SLC25A37: variants seen among roughly 807,000 people sequenced by gnomAD.
SLC25A37 encodes the protein solute carrier family 25 member 37.
Under a neutral mutation model 31.0 loss-of-function variants are expected in SLC25A37, and 17 were observed. The observed-to-expected ratio is 0.55, with a 90% CI of 0.38 to 0.82. The LOEUF is 0.82. Among genes scored for constraint, SLC25A37 ranks in the 40% least tolerant of loss-of-function variants. SLC25A37 has a pLI of 0.00. For missense variants in SLC25A37, 404 were observed against 465.8 expected (o/e 0.87, Z 1.22); for synonymous variants, 222 against 193.0 (o/e 1.15, Z -1.24).
At chr8:23,555,242 A>G (rs531301739) in intron 1 of SLC25A37, among the ~76,000 whole-genome samples, 1 of 152,228 alleles carries the variant, frequency 6.6e-6, no homozygotes, top group African/African-American at 2.4e-5. Context: ...TTTCTTTCCC[A>G]GTCAAAGTAA....
chr8:23,537,222 A>G (rs1368360980), intron 1 of SLC25A37, among the ~76,000 whole-genome samples: 1 of 145,670 alleles, frequency 6.9e-6, no homozygotes, highest in East Asian at 2.0e-4. Flanking sequence ...AAATGAGATT[A>G]CTCTCCCCTG....
intron 1 of SLC25A37, among the ~76,000 whole-genome samples, chr8:23,532,723 C>T (rs920521067): frequency 5.3e-5 from 8 of 152,196 alleles, no homozygotes; most frequent in African/African-American, 1.4e-4. Flanking sequence ...GGAGCGTTCC[C>T]TCTAGGAGCC....
chr8:23,569,685 T>C (rs1802769633), intron 3 of SLC25A37, among the ~76,000 whole-genome samples: 2 of 152,224 alleles, frequency 1.3e-5, no homozygotes. Flanking sequence ...TTTGTTCTTT[T>C]AAATTTCGGG....
chr8:23,568,021 G>A, intron 2 of SLC25A37: 1 of 442,548 alleles, frequency 2.3e-6, no homozygotes. Context: ...CATGGTGTGT[G>A]GTTTCTGGGA....
chr8:23,573,588 C>T lies in SLC25A37; in HGVS notation c.*1733C>T, dbSNP rs2117476499. The T allele has an allele frequency of 3.0e-6, 1 of 329,250 alleles. No individual in the cohort carries two copies. Among genetic ancestry groups the T allele is most frequent in the South Asian group, 2.4e-5 (1 of 42,170 alleles). The allele number at this position is 329,250 out of a possible 1,614,324, so 20.4% of individuals were successfully genotyped here. On this transcript the variant is annotated 3_prime_UTR_variant, in exon 4 of 4. Coordinates refer to ENST00000519973, the MANE Select transcript of SLC25A37 (RefSeq NM_016612.4). Reference sequence around the variant, plus strand: ...AGTGGTGCTACTGCCTAGGAAGTAACACGTGGAGAATTTCCATCTTGGGAC... The same window carrying T: ...AGTGGTGCTACTGCCTAGGAAGTAATACGTGGAGAATTTCCATCTTGGGAC...
intron 1 of SLC25A37, among the ~76,000 whole-genome samples, chr8:23,551,766 GC>G (rs1448140349): frequency 6.6e-6 from 1 of 152,138 alleles, no homozygotes; most frequent in Non-Finnish European, 1.5e-5. Context: ...TGAGGAGGAA[GC>G]AACAGAGCTA....
intron 1 of SLC25A37, among the ~76,000 whole-genome samples, chr8:23,559,344 T>TGTGTGTGTGC (rs71210626): frequency 0.17 from 25,812 of 151,740 alleles, 2,256 homozygotes; most frequent in South Asian, 0.24. Flanking sequence ...CGGTTGTGTG[T>TGTGTGTGTGC]GTGTGTGTGC....
intron 3 of SLC25A37, among the ~76,000 whole-genome samples, chr8:23,570,921 G>C (rs1802807749): frequency 6.6e-6 from 1 of 152,164 alleles, no homozygotes; most frequent in Non-Finnish European, 1.5e-5. Flanking sequence ...CAGTAGATGT[G>C]TTGGGGAAGG....
chr8:23,532,162 A>G (rs1202411896), intron 1 of SLC25A37, among the ~76,000 whole-genome samples: 1 of 152,164 alleles, frequency 6.6e-6, no homozygotes, highest in Non-Finnish European at 1.5e-5. Flanking sequence ...GACCTTTGGC[A>G]ACTTTCCTGC....
chr8:23,571,911 T>C lies in SLC25A37; in HGVS notation c.*56T>C. On this transcript the variant is annotated 3_prime_UTR_variant, in exon 4 of 4. Coordinates refer to ENST00000519973, the MANE Select transcript of SLC25A37 (RefSeq NM_016612.4). Reference sequence around the variant, plus strand: ...TCATTCTCTGCCTGCATCCAGCCCCTTGCCCTCTCCTCACACGTAGATCAT... The same window carrying C: ...TCATTCTCTGCCTGCATCCAGCCCCCTGCCCTCTCCTCACACGTAGATCAT... 4.5e-6 allele frequency: 7 copies of C among 1,570,946 alleles called. No homozygotes were observed. Among genetic ancestry groups the C allele is most frequent in the Non-Finnish European group, 6.1e-6 (7 of 1,155,414 alleles).
chr8:23,552,487 A>G (rs369171018), intron 1 of SLC25A37, among the ~76,000 whole-genome samples: 53 of 152,264 alleles, frequency 3.5e-4, no homozygotes, highest in African/African-American at 1.2e-3. Context: ...GAAGCTCTCT[A>G]TATAATGGTT....
chr8:23,574,136 C>G lies in SLC25A37; in HGVS notation c.*2281C>G, dbSNP rs1585210994. The G allele has an allele frequency of 3.0e-6, 1 of 332,212 alleles. No individual in the cohort carries two copies. Among genetic ancestry groups the G allele is most frequent in the East Asian group, 7.8e-5 (1 of 12,874 alleles). The allele number at this position is 332,212 out of a possible 1,614,324, so 20.6% of individuals were successfully genotyped here. A position where few individuals can be genotyped will look rare whatever the true frequency, so the allele number is the denominator to read the frequency against. ...TGTTTAGAAAATAAACTTGATTTCT[C>G]TAGGAGCACTCCTTTGGTTAGAGGG... On this transcript the variant is annotated 3_prime_UTR_variant, in exon 4 of 4. Transcript: ENST00000519973.
At chr8:23,546,034 C>T (rs1005540395) in intron 1 of SLC25A37, among the ~76,000 whole-genome samples, 4 of 151,880 alleles carry the variant, frequency 2.6e-5, no homozygotes, top group African/African-American at 9.7e-5. Context: ...ACTTGAGAGG[C>T]TGAGGCGGGA....
At chr8:23,558,262 C>T (rs1802420405) in intron 1 of SLC25A37, among the ~76,000 whole-genome samples, 1 of 152,208 alleles carries the variant, frequency 6.6e-6, no homozygotes, top group African/African-American at 2.4e-5. Context: ...GCTTGGGTGG[C>T]ATGACCTCTG....
chr8:23,531,482 C>T (rs1020739880), intron 1 of SLC25A37, among the ~76,000 whole-genome samples: 2 of 152,162 alleles, frequency 1.3e-5, no homozygotes, highest in Non-Finnish European at 1.5e-5. Flanking sequence ...ACCCATGCCT[C>T]GTTTCTCTGA....
chr8:23,571,302 T>G (rs1349387371), intron 3 of SLC25A37, 33 bp from the exon 4 acceptor site: 3 of 1,501,728 alleles, frequency 2.0e-6, no homozygotes, highest in South Asian at 1.3e-5. Context: ...CCACTGGCTG[T>G]CCGTCTGGCC....
intron 1 of SLC25A37, among the ~76,000 whole-genome samples, chr8:23,538,386 A>AAAAAG (rs1801815594): frequency 1.3e-5 from 2 of 148,590 alleles, no homozygotes; most frequent in Admixed American, 1.3e-4. Flanking sequence ...ATCTCAAAAA[A>AAAAAG]AAAAAAAAAA....
chr8:23,568,246 C>T (rs537177249), intron 2 of SLC25A37, 76 bp from the exon 3 acceptor site: 214 of 1,522,212 alleles, frequency 1.4e-4, no homozygotes, highest in African/African-American at 4.2e-4. Context: ...TCCTGGGTTC[C>T]GTCTGATTTT....
intron 1 of SLC25A37, among the ~76,000 whole-genome samples, chr8:23,537,419 C>G (rs1801793489): frequency 6.6e-6 from 1 of 152,202 alleles, no homozygotes; most frequent in African/African-American, 2.4e-5. Context: ...GATGTATGCT[C>G]TTCTGTTCAC....
Sources: allele counts gnomAD v4.1 joint callset (sites outside exome capture counted in the v4.1 genomes callset), GRCh38; gene constraint gnomAD v4.1.1; transcripts MANE v1.5; gene names NCBI Gene and HGNC (gene_info 2026-07-23, HGNC 2026-07-21).